SPDEF: variants seen among roughly 807,000 people sequenced by gnomAD.
SPDEF encodes SAM pointed domain-containing Ets transcription factor.
A neutral mutation model predicts 36.0 loss-of-function variants in SPDEF; 12 were observed. That is an observed-to-expected ratio of 0.33 (90% confidence interval 0.21 to 0.54). The LOEUF is 0.54. SPDEF is among the 20% of genes least tolerant of loss of function. The pLI, the probability that SPDEF is intolerant of heterozygous loss-of-function variation, is 0.93. For missense variants in SPDEF, 388 were observed against 456.9 expected (o/e 0.85, Z 1.37); for synonymous variants, 205 against 193.0 (o/e 1.06, Z -0.51).
In SPDEF at chr6:34,538,245, G is replaced by A; in HGVS notation, c.*29C>T. On this transcript the variant is annotated 3_prime_UTR_variant, in exon 6 of 6. Transcript: ENST00000374037. This position sits in a 1 kb window ranked among gnomAD's most constrained non-coding sequence, Gnocchi z 5.9. ...GGGCAGGCAGGAGAGAGGCCCCTGAGGGCGGGTTTCAGGCCCTGGGCCAGG... is the reference window on the plus strand; with the variant it reads ...GGGCAGGCAGGAGAGAGGCCCCTGAAGGCGGGTTTCAGGCCCTGGGCCAGG... The A allele has an allele frequency of 6.2e-7, 1 of 1,602,206 alleles. No homozygotes were observed. The highest frequency in any genetic ancestry group is 8.5e-7 in the Non-Finnish European group (1 of 1,171,954).
Position 34,541,162 on chromosome 6 carries a change from G to T in SPDEF, c.456C>A (p.Pro152=). Residue 152 remains proline, a synonymous_variant, in exon 3 of 6, where the codon CCC becomes CCA. Coordinates refer to ENST00000374037, the MANE Select transcript of SPDEF (RefSeq NM_012391.3). ...NITADPMDWS[P]SNVQKWLLWT... is the part of the protein sequence containing the mutation. ...ACAGGAGCCACTTCTGCACATTGCT[G>T]GGGCTCCAGTCCATGGGATCTGGGC... 6.2e-7 allele frequency: 1 copy of T among 1,604,924 alleles called. No homozygotes were observed.
rs751762525 is a variant in SPDEF at position 34,539,482 on chromosome 6, C to G, written c.682+33G>C. The G allele has an allele frequency of 3.6e-5, 57 of 1,583,244 alleles. 1 individual carries two copies. The South Asian group carries it at 6.1e-4, about 17-fold the overall frequency. ...CAGCCACCCCTCCACCCCACCCGAG[C>G]CCCCGCCTCCACCCTGCCGCTGCCT... On this transcript the variant is annotated intron_variant, in intron 4 of 5. Transcript: ENST00000374037. The surrounding 1 kb of genome is among the most constrained non-coding windows in gnomAD (Gnocchi z 5.2).
intron 1 of SPDEF, among the ~76,000 whole-genome samples, chr6:34,548,065 G>A (rs1767990318): frequency 6.6e-6 from 1 of 152,180 alleles, no homozygotes; most frequent in African/African-American, 2.4e-5. Context: ...GCCTCAGGAG[G>A]GAAGAAGAGA....
chr6:34,543,576 G>A (rs1241965850), intron 2 of SPDEF, among the ~76,000 whole-genome samples: 2 of 152,186 alleles, frequency 1.3e-5, no homozygotes, highest in Non-Finnish European at 2.9e-5. Context: ...GTCAGGGAAG[G>A]CCTCATGCGG....
In SPDEF at chr6:34,556,295, G is replaced by C. The variant is rs1299152928; in HGVS notation, c.-396C>G. The C allele has an allele frequency of 1.3e-5, 2 of 152,532 alleles. No homozygotes were observed. The highest frequency in any genetic ancestry group is 2.9e-5 in the Non-Finnish European group (2 of 68,306). The allele number at this position is 152,532 out of a possible 1,614,324, so 9.4% of individuals were successfully genotyped here. Reference sequence around the variant, plus strand: ...TGTGGACACGGCAGAGTGCAGGAATGTGCTGGGAGGAAGTCAGACAGCCGC... The same window carrying C: ...TGTGGACACGGCAGAGTGCAGGAATCTGCTGGGAGGAAGTCAGACAGCCGC... On this transcript the variant is annotated 5_prime_UTR_variant, in exon 1 of 6. Transcript: ENST00000374037.
rs1447662103 is a variant in SPDEF, at chr6:34,544,471, G to C, written c.-16C>G. ...CGCTGCCCATGCCGCTGCTGTTTGG[G>C]CTGGCGGCTGTGTCTACGGAAATGA... On this transcript the variant is annotated 5_prime_UTR_variant, in exon 2 of 6. Transcript: ENST00000374037. This position sits in a 1 kb window ranked among gnomAD's most constrained non-coding sequence, Gnocchi z 4.4. The C allele has an allele frequency of 6.6e-7, 1 of 1,522,596 alleles. No homozygotes were observed. Among genetic ancestry groups the C allele is most frequent in the South Asian group, 1.3e-5 (1 of 79,390 alleles). The allele number at this position is 1,522,596 out of a possible 1,614,324, so 94.3% of individuals were successfully genotyped here. A position where few individuals can be genotyped will look rare whatever the true frequency, so the allele number is the denominator to read the frequency against.
chr6:34,553,403 A>G (rs913018), intron 1 of SPDEF, among the ~76,000 whole-genome samples: 143,597 of 150,972 alleles, frequency 0.95, 68,585 homozygotes, highest in East Asian at 1. Context: ...CTGGGGGCAC[A>G]GGGTGGGGCA....
Position 34,552,471 on chromosome 6 carries a change from G to A in SPDEF, c.-30+3458C>T, listed in dbSNP as rs1768082251. 1.3e-5 allele frequency among the ~76,000 whole-genome samples: 2 copies of A among 152,248 alleles called. No homozygotes were observed. Among genetic ancestry groups the A allele is most frequent in the African/African-American group, 4.8e-5 (2 of 41,472 alleles). On this transcript the variant is annotated intron_variant, in intron 1 of 5. Transcript: ENST00000374037. The surrounding 1 kb of genome is among the most constrained non-coding windows in gnomAD (Gnocchi z 4.6). Reference sequence around the variant, plus strand: ...GTCACCAGGCAGGACAGCGATGTGAGAAGGCTTCACTGTCTCCCGAGAGGT... The same window carrying A: ...GTCACCAGGCAGGACAGCGATGTGAAAAGGCTTCACTGTCTCCCGAGAGGT...
chr6:34,540,932 G>T, intron 3 of SPDEF, 52 bp downstream of exon 3: 1 of 1,553,766 alleles, frequency 6.4e-7, no homozygotes, highest in Non-Finnish European at 8.8e-7. Flanking sequence ...CCAGCATCCT[G>T]TCCCTGGCTT....
chr6:34,550,274 A>G (rs577621445), intron 1 of SPDEF, among the ~76,000 whole-genome samples: 27 of 151,856 alleles, frequency 1.8e-4, no homozygotes, highest in African/African-American at 6.3e-4. Context: ...CACCCTTCAA[A>G]CTGCTCTTCA....
At chr6:34,547,032 T>C (rs144887447) in intron 1 of SPDEF, among the ~76,000 whole-genome samples, 3,168 of 29,170 alleles carry the variant, frequency 0.11, 44 homozygotes, top group African/African-American at 0.19. Context: ...CATCACCCCC[T>C]GCCTGCCTCC....
At chr6:34,546,821 G>A (rs970845042) in intron 1 of SPDEF, among the ~76,000 whole-genome samples, 28 of 152,150 alleles carry the variant, frequency 1.8e-4, no homozygotes, top group African/African-American at 6.5e-4. Flanking sequence ...GGCTGGGGAT[G>A]TGGGGGACAG....
intron 1 of SPDEF, among the ~76,000 whole-genome samples, chr6:34,548,538 G>T (rs1318147712): frequency 2.0e-5 from 3 of 152,194 alleles, no homozygotes; most frequent in East Asian, 3.8e-4. Context: ...AGAGCTGGAA[G>T]GGGCCATATA....
rs1430540177 is a variant in SPDEF at position 34,548,628 on chromosome 6, C to T, written c.-29-4144G>A. Among the ~76,000 whole-genome samples the T allele has an allele frequency of 3.3e-5, 5 of 152,272 alleles. No homozygotes were observed. In the South Asian group the frequency reaches 8.3e-4, roughly 25 times the overall value. ...TCATGTGCTTATTAGCAGCAGGGTC[C>T]GGACCAGAACCAGGGATTGACATAG... On this transcript the variant is annotated intron_variant, in intron 1 of 5. Transcript: ENST00000374037.
chr6:34,539,559 G>A lies in SPDEF; in HGVS notation c.638C>T (p.Ala213Val). The A allele has an allele frequency of 6.4e-7, 1 of 1,568,802 alleles. No individual in the cohort carries two copies. Among genetic ancestry groups the A allele is most frequent in the Non-Finnish European group, 8.6e-7 (1 of 1,157,586 alleles). Residue 213 changes from alanine to valine, a missense_variant, in exon 4 of 6, where the codon GCC becomes GTC. Transcript: ENST00000374037. The surrounding 1 kb of genome is among the most constrained non-coding windows in gnomAD (Gnocchi z 5.2). ...HAHLDIWKSA[A>V]WMKERTSPGA... Reference sequence around the variant, plus strand: ...AGGTGAAGTCCGCTCTTTCATCCAGGCCGCTGCAGGGCAAGGAGAGGGGGT... The same window carrying A: ...AGGTGAAGTCCGCTCTTTCATCCAGACCGCTGCAGGGCAAGGAGAGGGGGT...
chr6:34,548,237 G>T (rs986308366), intron 1 of SPDEF, among the ~76,000 whole-genome samples: 1 of 152,170 alleles, frequency 6.6e-6, no homozygotes, highest in African/African-American at 2.4e-5. Context: ...CTTGTCCAGG[G>T]TTCTTCCTGG....
chr6:34,550,387 A>C (rs963091057), intron 1 of SPDEF, among the ~76,000 whole-genome samples: 1 of 152,140 alleles, frequency 6.6e-6, no homozygotes, highest in Non-Finnish European at 1.5e-5. Context: ...CCCGCTGCCC[A>C]GGAAGGGGGC....
Position 34,541,026 on chromosome 6 carries a change from C to G in SPDEF, c.592G>C (p.Gly198Arg). The part of the protein sequence containing the change: ...EEQFRQRSPL[G>R]GDVLHAHLDI... The stretch of plus-strand genomic sequence containing the variant: ...AGGTGGGCGTGCAGCACATCCCCAC[C>G]CAGGGGCGAGCGCTGGCGGAACTGC... Residue 198 changes from glycine (G) to arginine (R), a missense_variant, in exon 3 of 6, where the codon GGT becomes CGT. By Grantham distance (125) the Gly-to-Arg change is moderately radical. This residue lies in a region of SPDEF where 308 missense variants were observed against 326.1 expected (regional missense o/e 0.94). Coordinates refer to ENST00000374037, the MANE Select transcript of SPDEF (RefSeq NM_012391.3). The G allele has an allele frequency of 6.2e-7, 1 of 1,612,394 alleles. No individual in the cohort carries two copies. The highest frequency in any genetic ancestry group is 8.5e-7 in the Non-Finnish European group (1 of 1,179,922).
Position 34,539,129 on chromosome 6 carries a change from C to A in SPDEF, c.829+121G>T. The A allele has an allele frequency of 8.3e-7, 1 of 1,199,568 alleles. No homozygotes were observed. The highest frequency in any genetic ancestry group is 1.2e-6 in the Non-Finnish European group (1 of 847,980). 74.3% of individuals were successfully genotyped at this position (1,199,568 alleles called of 1,614,324 possible). The stretch of plus-strand genomic sequence containing the variant: ...AGAGCTGCATATTTGGCATCTAGGA[C>A]AAAGGTGGGGATCAGCTTCACCCCT... On this transcript the variant is annotated intron_variant, in intron 5 of 5. Coordinates refer to ENST00000374037, the MANE Select transcript of SPDEF (RefSeq NM_012391.3). This position sits in a 1 kb window ranked among gnomAD's most constrained non-coding sequence, Gnocchi z 5.2.
Sources: gnomAD v4.1 joint callset for allele counts (sites outside exome capture counted in the v4.1 genomes callset) on GRCh38, gnomAD v4.1.1 for gene constraint, gnomAD v4.1.1 regional missense constraint, Gnocchi (gnomAD v3.1) non-coding constraint, MANE v1.5 for transcripts, NCBI Gene and HGNC (gene_info 2026-07-23, HGNC 2026-07-21) for gene names.